The following IARS1 variants were observed in gnomAD, a reference collection of about 807,000 sequenced individuals.
IARS1 encodes isoleucyl-tRNA synthetase 1.
Under a neutral mutation model 168.2 loss-of-function variants are expected in IARS1, and 124 were observed. The ratio of observed to expected loss-of-function variants is 0.74; its 90% CI spans 0.64 to 0.86. The LOEUF (loss-of-function observed/expected upper bound fraction) is 0.86, where lower values mean the gene tolerates loss of function less well. Ranked by LOEUF, IARS1 falls within the 40% of genes least tolerant of loss-of-function variation. IARS1 has a pLI of 0.00. For missense variants in IARS1, 1,452 were observed against 1,515.8 expected (o/e 0.96, Z 0.70); for synonymous variants, 532 against 529.4 (o/e 1.00, Z -0.07).
chr9:92,259,042 T>C, intron 18 of IARS1, 44 bp from the exon 19 acceptor site: 7 of 1,512,788 alleles, frequency 4.6e-6, no homozygotes, highest in Non-Finnish European at 6.2e-6. Flanking sequence ...ACTTAGACAG[T>C]AAACCAATTA....
chr9:92,268,173 C>A lies in IARS1; in HGVS notation c.1431+1G>T. ...CACAAGGAAATACTGCCATGCCTCA[C>A]CTCCTCAAAGTCATCGCTGACCCAC... On this transcript the variant is annotated splice_donor_variant, in intron 14 of 33. Coordinates refer to ENST00000443024, the MANE Select transcript of IARS1 (RefSeq NM_002161.6). LOFTEE classifies it high-confidence loss of function. 6.3e-7 allele frequency: 1 copy of A among 1,576,218 alleles called. No homozygotes were observed. Among genetic ancestry groups the A allele is most frequent in the Admixed American group, 2.0e-5 (1 of 49,040 alleles).
chr9:92,286,562 C>T lies in IARS1; in HGVS notation c.453G>A (p.Leu151=). ...AGACTGATTCCATGAATTGTGGATA[C>T]AGAGTTTTATAGTCATTGTCAAAGT... ...WIDFDNDYKT[L]YPQFMESVWW... The change falls in exon 5 of 34, where the codon CTG becomes CTA. Residue 151 remains leucine (L), a synonymous_variant. Coordinates refer to ENST00000443024, the MANE Select transcript of IARS1 (RefSeq NM_002161.6). 2 of 1,595,492 alleles carry T rather than the reference C, an allele frequency of 1.3e-6. No individual in the cohort carries two copies. The highest frequency in any genetic ancestry group is 1.7e-6 in the Non-Finnish European group (2 of 1,163,648).
chr9:92,236,884 G>A (rs757030621), intron 30 of IARS1, among the ~76,000 whole-genome samples: 4 of 152,244 alleles, frequency 2.6e-5, no homozygotes, highest in East Asian at 1.9e-4. Flanking sequence ...TAGTATTTGC[G>A]TTTTTGATTT....
chr9:92,271,603 G>C lies in IARS1; in HGVS notation c.1043C>G (p.Pro348Arg). 2 of 1,614,086 alleles carry C rather than the reference G, an allele frequency of 1.2e-6. No homozygotes were observed. The highest frequency in any genetic ancestry group is 1.7e-6 in the Non-Finnish European group (2 of 1,179,954). The change falls in exon 11 of 34, where the codon CCT becomes CGT. Residue 348 changes from proline to arginine, a missense_variant. By Grantham distance (103) the Pro-to-Arg change is moderately radical (BLOSUM62 -2). Transcript: ENST00000443024. ...GCCTGAAGCATCCACAGGGCAAACA[G>C]GGAGTGAGTCTTTCCGAATAATGTT... ...DFNIIRKDSL[P>R]VCPVDASGCF... is the part of the protein sequence containing the mutation.
At chr9:92,223,576 A>G (rs1341165430) in intron 31 of IARS1, 87 bp from the exon 32 acceptor site, 2 of 1,081,144 alleles carry the variant, frequency 1.8e-6, no homozygotes, top group Non-Finnish European at 2.7e-6. Context: ...ACTATCATGT[A>G]TCTTTTTACG....
At position 92,240,926 on chromosome 9, in the gene IARS1, T is replaced by C; in HGVS notation, c.3213A>G (p.Arg1071=). The change falls in exon 30 of 34, where the codon AGA becomes AGG. Residue 1071 remains arginine (R), a synonymous_variant. Coordinates refer to ENST00000443024, the MANE Select transcript of IARS1 (RefSeq NM_002161.6). ...KGSELEITLT[R]GSSLPGPACA... is the part of the protein sequence containing the mutation. ...AAGCAGGACCAGGAAGGGAAGATCCTCTGGTGAGTGTAATTTCCAGTTCAG... is the reference window on the plus strand; with the variant it reads ...AAGCAGGACCAGGAAGGGAAGATCCCCTGGTGAGTGTAATTTCCAGTTCAG... 1 of 1,613,304 alleles carries C rather than the reference T, an allele frequency of 6.2e-7. No homozygotes were observed. Among genetic ancestry groups the C allele is most frequent in the African/African-American group, 1.3e-5 (1 of 75,012 alleles).
At chr9:92,235,603 T>C (rs996276260) in intron 30 of IARS1, among the ~76,000 whole-genome samples, 1 of 150,200 alleles carries the variant, frequency 6.7e-6, no homozygotes, top group African/African-American at 2.5e-5. Context: ...CTGCAACCTC[T>C]GCCTCCCAGG....
intron 7 of IARS1, among the ~76,000 whole-genome samples, chr9:92,280,162 GA>G (rs1256184659): frequency 2.0e-5 from 3 of 152,178 alleles, no homozygotes; most frequent in Admixed American, 6.5e-5. Context: ...ACTCAGAAGT[GA>G]AATTGCTGGG....
Position 92,249,868 on chromosome 9 carries a change from T to A in IARS1, c.2606A>T (p.Tyr869Phe), listed in dbSNP as rs779214663. The A allele has an allele frequency of 5.1e-6, 8 of 1,575,204 alleles. No homozygotes were observed. In the Admixed American group the frequency reaches 1.3e-4, roughly 27 times the overall value. The change falls in exon 25 of 34, where the codon TAT (tyrosine) becomes TTT (phenylalanine). Residue 869 changes from tyrosine to phenylalanine, a missense_variant. By Grantham distance (22) the Tyr-to-Phe change is conservative. Coordinates refer to ENST00000443024, the MANE Select transcript of IARS1 (RefSeq NM_002161.6). ...ALKDIKSLEK[Y>F]IIEELNVRKV... ...AATCATCTACCTTACCTCAATGATA[T>A]ACTTCTCCAAAGACTTGATATCTTT...
At chr9:92,257,068 A>G (rs72750438) in intron 19 of IARS1, among the ~76,000 whole-genome samples, 5,388 of 152,302 alleles carry the variant, frequency 0.035, 128 homozygotes, top group South Asian at 0.081. Flanking sequence ...TATGAATTGA[A>G]AGATATTCTA....
intron 33 of IARS1, among the ~76,000 whole-genome samples, chr9:92,217,120 C>G (rs1355816822): frequency 2.7e-5 from 4 of 150,916 alleles, no homozygotes; most frequent in Non-Finnish European, 5.9e-5. Context: ...TTAAGAATCT[C>G]ACTCAAAACC....
intron 33 of IARS1, among the ~76,000 whole-genome samples, chr9:92,215,621 G>A (rs1838537267): frequency 6.6e-6 from 1 of 152,090 alleles, no homozygotes; most frequent in Non-Finnish European, 1.5e-5. Flanking sequence ...ACTACGTGAA[G>A]AATGCAGAAG....
At chr9:92,265,997 C>T (rs1263123641) in intron 14 of IARS1, among the ~76,000 whole-genome samples, 2 of 152,016 alleles carry the variant, frequency 1.3e-5, no homozygotes, top group African/African-American at 4.8e-5. Context: ...CAATCTGGGC[C>T]GAAGGATAGT....
In IARS1 at chr9:92,278,291, G is replaced by A. The variant is rs886222198; in HGVS notation, c.746-5C>T. 5 of 1,591,548 alleles carry A rather than the reference G, an allele frequency of 3.1e-6. No individual in the cohort carries two copies. The highest frequency in any genetic ancestry group is 2.2e-5 in the East Asian group (1 of 44,752). ...GTAATCGTCCTCTGGCAACATCTAC[G>A]AGAAAAAGGAAAAACATGGACTTGG... On this transcript the variant is annotated splice_polypyrimidine_tract_variant and splice_region_variant and intron_variant, in intron 7 of 33. Transcript: ENST00000443024.
chr9:92,268,362 A>T, intron 13 of IARS1, 62 bp from the exon 14 acceptor site: 1 of 1,546,288 alleles, frequency 6.5e-7, no homozygotes, highest in Non-Finnish European at 8.8e-7. Context: ...ACATGTAAAT[A>T]ATACCCACAG....
chr9:92,276,635 G>C (rs1833815575), intron 9 of IARS1, among the ~76,000 whole-genome samples: 3 of 152,178 alleles, frequency 2.0e-5, no homozygotes, highest in African/African-American at 7.2e-5. Context: ...TAATCAACCA[G>C]ACTCTCCCCA....
At chr9:92,292,621 ACAACCTT>A (rs1836549983) in intron 1 of IARS1, 1 of 155,544 alleles carries the variant, frequency 6.4e-6, no homozygotes, top group Admixed American at 6.5e-5. Context: ...ACCTTGCACA[ACAACCTT>A]GTTGTGCAGA....
intron 6 of IARS1, among the ~76,000 whole-genome samples, chr9:92,282,646 TGTG>T (rs1834793392): frequency 6.6e-6 from 1 of 152,166 alleles, no homozygotes; most frequent in South Asian, 2.1e-4. Flanking sequence ...GATGCACATC[TGTG>T]GTCTCAGCTG....
At chr9:92,246,139 C>T (rs1195164032) in intron 26 of IARS1, among the ~76,000 whole-genome samples, 2 of 152,100 alleles carry the variant, frequency 1.3e-5, no homozygotes, top group South Asian at 4.1e-4. Context: ...CTTGAAGGCT[C>T]GTAACACTTT....
Sources: gnomAD v4.1 joint callset for allele counts (sites outside exome capture counted in the v4.1 genomes callset) on GRCh38, gnomAD v4.1.1 for gene constraint, MANE v1.5 for transcripts, NCBI Gene and HGNC (gene_info 2026-07-23, HGNC 2026-07-21) for gene names.